ATP6V1C2: variants seen among roughly 807,000 people sequenced by gnomAD.
ATP6V1C2 encodes V-type proton ATPase subunit C 2.
In ATP6V1C2, 45 loss-of-function variants were observed where a neutral mutation model predicts 56.8. That is an observed-to-expected ratio of 0.79 (90% CI 0.62 to 1.02). ATP6V1C2 has a LOEUF of 1.02. Ranked by LOEUF, ATP6V1C2 falls within the 50% of genes least tolerant of loss-of-function variation. ATP6V1C2 has a pLI of 0.00. For missense variants in ATP6V1C2, 463 were observed against 519.7 expected (o/e 0.89, Z 1.06); for synonymous variants, 220 against 201.3 (o/e 1.09, Z -0.79).
Position 10,763,515 on chromosome 2 carries a change from G to A in ATP6V1C2, c.284-816G>A, listed in dbSNP as rs1664043731. On this transcript the variant is annotated intron_variant, in intron 4 of 13. Coordinates refer to ENST00000272238, the MANE Select transcript of ATP6V1C2 (RefSeq NM_001039362.2). The surrounding 1 kb of genome is among the most constrained non-coding windows in gnomAD (Gnocchi z 4.2). ...AGTGAGCGTGACAGTCCCCTTTCAT[G>A]CACCAGGATAGACCAGGAAGTGTAG... 6.6e-6 allele frequency among the ~76,000 whole-genome samples: 1 copy of A among 152,120 alleles called. No homozygotes were observed. The highest frequency in any genetic ancestry group is 1.5e-5 in the Non-Finnish European group (1 of 68,004).
At chr2:10,730,355 A>G (rs1661882101) in intron 3 of ATP6V1C2, among the ~76,000 whole-genome samples, 1 of 152,084 alleles carries the variant, frequency 6.6e-6, no homozygotes, top group African/African-American at 2.4e-5. Context: ...ACCTCAAGTG[A>G]TCTTCCAGCT....
intron 4 of ATP6V1C2, among the ~76,000 whole-genome samples, chr2:10,760,494 A>G (rs1050764455): frequency 2.0e-5 from 3 of 152,234 alleles, no homozygotes; most frequent in African/African-American, 7.2e-5. Flanking sequence ...CTCAGTGTAC[A>G]CAGTTGGAGC....
At chr2:10,723,489 C>T (rs1661468175) in intron 2 of ATP6V1C2, among the ~76,000 whole-genome samples, 1 of 151,984 alleles carries the variant, frequency 6.6e-6, no homozygotes, top group Admixed American at 6.6e-5. Context: ...TTGGGTCATG[C>T]CCAGGCATCT....
At chr2:10,766,480 C>G (rs1664227251) in intron 5 of ATP6V1C2, among the ~76,000 whole-genome samples, 1 of 152,156 alleles carries the variant, frequency 6.6e-6, no homozygotes, top group African/African-American at 2.4e-5. Flanking sequence ...GTTCGAAAGC[C>G]CTAGTTCCTA....
chr2:10,782,382 A>T lies in ATP6V1C2; in HGVS notation c.1194+7A>T. Reference sequence around the variant, plus strand: ...CGCTACAAGTATACTGGATGTAGGTATCCAGAAACAGCAGTATTTCTACAG... The same window carrying T: ...CGCTACAAGTATACTGGATGTAGGTTTCCAGAAACAGCAGTATTTCTACAG... On this transcript the variant is annotated splice_region_variant and intron_variant, in intron 13 of 13. Coordinates refer to ENST00000272238, the MANE Select transcript of ATP6V1C2 (RefSeq NM_001039362.2). The T allele has an allele frequency of 6.2e-7, 1 of 1,613,290 alleles. No individual in the cohort carries two copies. The highest frequency in any genetic ancestry group is 8.5e-7 in the Non-Finnish European group (1 of 1,179,778).
intron 3 of ATP6V1C2, among the ~76,000 whole-genome samples, chr2:10,746,408 T>G (rs1662917687): frequency 6.6e-6 from 1 of 151,728 alleles, no homozygotes; most frequent in African/African-American, 2.4e-5. Flanking sequence ...CTTTTTTTTT[T>G]CTTCTTCTTT....
At chr2:10,753,841 G>A in intron 3 of ATP6V1C2, 140 bp from the exon 4 acceptor site, 2 of 714,608 alleles carry the variant, frequency 2.8e-6, no homozygotes, top group Non-Finnish European at 4.8e-6. Context: ...GCCGCTATTG[G>A]CATTTTAACC....
intron 4 of ATP6V1C2, among the ~76,000 whole-genome samples, chr2:10,756,930 A>G (rs1663583610): frequency 6.7e-6 from 1 of 150,308 alleles, no homozygotes; most frequent in Non-Finnish European, 1.5e-5. Context: ...CTATATGTTT[A>G]TAATAAGATT....
At chr2:10,754,101 C>T (rs373885383) in intron 4 of ATP6V1C2, 35 bp downstream of exon 4, 4 of 1,537,336 alleles carry the variant, frequency 2.6e-6, no homozygotes, top group Non-Finnish European at 3.5e-6. Context: ...GGAGCACAAT[C>T]TCCCCGCTCC....
chr2:10,770,731 T>C (rs566599439), intron 6 of ATP6V1C2, among the ~76,000 whole-genome samples: 2 of 152,364 alleles, frequency 1.3e-5, no homozygotes, highest in East Asian at 3.9e-4. Context: ...TAAGTGCATA[T>C]ACCAAGTATA....
chr2:10,735,585 C>CT (rs112678143), intron 3 of ATP6V1C2, among the ~76,000 whole-genome samples: 241 of 141,810 alleles, frequency 1.7e-3, no homozygotes, highest in Non-Finnish European at 1.7e-3. Flanking sequence ...ATCTCCTGGT[C>CT]TTTTTTTTTT....
At chr2:10,730,120 G>A (rs1466709123) in intron 3 of ATP6V1C2, among the ~76,000 whole-genome samples, 2 of 152,052 alleles carry the variant, frequency 1.3e-5, no homozygotes, top group Non-Finnish European at 2.9e-5. Flanking sequence ...CATACTTTGA[G>A]TATTTCTTTT....
At chr2:10,740,214 T>C (rs1662473985) in intron 3 of ATP6V1C2, among the ~76,000 whole-genome samples, 1 of 152,154 alleles carries the variant, frequency 6.6e-6, no homozygotes, top group Non-Finnish European at 1.5e-5. Context: ...TTAGAAGAAG[T>C]TAAAAGAACC....
intron 3 of ATP6V1C2, among the ~76,000 whole-genome samples, chr2:10,728,163 C>T (rs1379969786): frequency 6.6e-6 from 1 of 152,130 alleles, no homozygotes; most frequent in Non-Finnish European, 1.5e-5. Flanking sequence ...CTCAGTGCAG[C>T]CTTGAACTCC....
intron 12 of ATP6V1C2, 114 bp from the exon 13 acceptor site, chr2:10,782,129 A>T: frequency 7.9e-7 from 1 of 1,258,724 alleles, no homozygotes; most frequent in Non-Finnish European, 1.1e-6. Context: ...TGACTTTATG[A>T]AGCTGTGTTG....
intron 3 of ATP6V1C2, among the ~76,000 whole-genome samples, chr2:10,736,396 C>T (rs181052447): frequency 3.3e-5 from 5 of 152,268 alleles, no homozygotes; most frequent in African/African-American, 1.2e-4. Context: ...TTGCATTTTG[C>T]TAGAAAATCA....
At chr2:10,731,082 G>T (rs1661925117) in intron 3 of ATP6V1C2, among the ~76,000 whole-genome samples, 1 of 152,142 alleles carries the variant, frequency 6.6e-6, no homozygotes, top group Non-Finnish European at 1.5e-5. Flanking sequence ...CTCTCAAGTA[G>T]CTGGGACCAC....
chr2:10,744,570 G>A (rs576166776), intron 3 of ATP6V1C2, among the ~76,000 whole-genome samples: 25 of 151,370 alleles, frequency 1.7e-4, no homozygotes, highest in South Asian at 1.0e-3. Context: ...CTTGAACTAC[G>A]TAAGGGGAAA....
At chr2:10,756,737 G>T (rs13024193) in intron 4 of ATP6V1C2, among the ~76,000 whole-genome samples, 46,622 of 151,848 alleles carry the variant, frequency 0.31, 8,487 homozygotes, top group Non-Finnish European at 0.4. Flanking sequence ...AAGAAAGAAA[G>T]AAATATTTAG....
Sources: gnomAD v4.1 joint callset for allele counts (sites outside exome capture counted in the v4.1 genomes callset) on GRCh38, gnomAD v4.1.1 for gene constraint, Gnocchi (gnomAD v3.1) non-coding constraint, MANE v1.5 for transcripts, NCBI Gene and HGNC (gene_info 2026-07-23, HGNC 2026-07-21) for gene names.